Variants in B4GALNT3 observed in about 807,000 individuals in gnomAD.
B4GALNT3 encodes beta-1,4-N-acetyl-galactosaminyltransferase 3.
B4GALNT3 carries 86 observed loss-of-function variants against 120.2 expected under a neutral mutation model. That is an observed-to-expected ratio of 0.72 (90% CI 0.60 to 0.86). The LOEUF is 0.86. B4GALNT3 is among the 40% of genes least tolerant of loss of function. The pLI, the probability that B4GALNT3 is intolerant of heterozygous loss-of-function variation, is 0.00. For synonymous variants in B4GALNT3, 518 were observed against 510.4 expected (o/e 1.01, Z -0.20); for missense variants, 1,167 against 1,298.9 (o/e 0.90, Z 1.56).
In B4GALNT3 at chr12:483,460, GC is replaced by G. The variant is rs569254519; in HGVS notation, c.169+22917del. Among the ~76,000 whole-genome samples the G allele has an allele frequency of 4.1e-3, 625 of 152,276 alleles. 6 individuals carry two copies. Among genetic ancestry groups the G allele is most frequent in the African/African-American group, 0.014 (577 of 41,562 alleles). ...ACCTGTAATCCCATAACTTTGGGAG[GC>G]CAAGGCAGATGAATCATTTGAGCTC... On this transcript the variant is annotated intron_variant, in intron 1 of 19. Coordinates refer to ENST00000266383, the MANE Select transcript of B4GALNT3 (RefSeq NM_173593.4).
At chr12:530,741 A>T (rs1946798738) in intron 1 of B4GALNT3, among the ~76,000 whole-genome samples, 2 of 152,222 alleles carry the variant, frequency 1.3e-5, no homozygotes, top group Admixed American at 6.5e-5. Context: ...AGAGTCTTAG[A>T]AAAAAGCACA....
intron 1 of B4GALNT3, among the ~76,000 whole-genome samples, chr12:512,892 T>C (rs28808123): frequency 1.8e-4 from 23 of 129,696 alleles, no homozygotes; most frequent in African/African-American, 3.9e-4. Context: ...TTCCACCTTC[T>C]ACCTTCCGCC....
intron 1 of B4GALNT3, among the ~76,000 whole-genome samples, chr12:513,984 G>A (rs965842802): frequency 1.3e-5 from 2 of 152,144 alleles, no homozygotes; most frequent in Non-Finnish European, 2.9e-5. Context: ...CATTGTTTCC[G>A]CTTTTTGGCT....
At chr12:507,619 G>A (rs1471386625) in intron 1 of B4GALNT3, among the ~76,000 whole-genome samples, 5 of 152,212 alleles carry the variant, frequency 3.3e-5, no homozygotes, top group African/African-American at 1.2e-4. Flanking sequence ...CCTACGCCCT[G>A]CGAGTGGCTC....
At chr12:497,630 C>T (rs1946400782) in intron 1 of B4GALNT3, among the ~76,000 whole-genome samples, 2 of 152,154 alleles carry the variant, frequency 1.3e-5, no homozygotes, top group Non-Finnish European at 1.5e-5. Context: ...GGTATAGACC[C>T]AGGAGCGGAA....
chr12:517,828 A>G (rs756474239), intron 1 of B4GALNT3, among the ~76,000 whole-genome samples: 1 of 152,238 alleles, frequency 6.6e-6, no homozygotes, highest in Non-Finnish European at 1.5e-5. Context: ...CGGCCGTGGC[A>G]GGACCATCAG....
intron 1 of B4GALNT3, among the ~76,000 whole-genome samples, chr12:495,899 T>C (rs1467298953): frequency 1.3e-5 from 2 of 152,190 alleles, no homozygotes; most frequent in East Asian, 1.9e-4. Flanking sequence ...ATGAATGATA[T>C]ACATTTGAAA....
At chr12:561,277 A>G in intron 19 of B4GALNT3, 66 bp from the exon 20 acceptor site, 1 of 1,264,926 alleles carries the variant, frequency 7.9e-7, no homozygotes, top group Non-Finnish European at 1.1e-6. Context: ...TCTGTGGTCG[A>G]TGGGGAGGGG....
intron 1 of B4GALNT3, among the ~76,000 whole-genome samples, chr12:479,601 G>A (rs1174944289): frequency 3.9e-5 from 6 of 152,186 alleles, no homozygotes; most frequent in Admixed American, 2.0e-4. Flanking sequence ...ACTGTGTCAG[G>A]TGCAGATAAA....
chr12:549,952 A>G (rs1450878667), intron 10 of B4GALNT3, 40 bp downstream of exon 10: 10 of 1,566,266 alleles, frequency 6.4e-6, no homozygotes, highest in Non-Finnish European at 7.8e-6. Flanking sequence ...TTCTGGGGAC[A>G]CTGCACTGCC....
Position 460,771 on chromosome 12 carries a change from G to A in B4GALNT3, c.169+226G>A, listed in dbSNP as rs1043140879. Among the ~76,000 whole-genome samples the A allele has an allele frequency of 6.6e-6, 1 of 152,122 alleles. No individual in the cohort carries two copies. Among genetic ancestry groups the A allele is most frequent in the Non-Finnish European group, 1.5e-5 (1 of 67,990 alleles). ...CCCGGGCCTGCCCGCCGGCCACGTG[G>A]GTCCGGGGCACCCTGGGGGCTCCTC... is the stretch of plus-strand genomic sequence containing the variant. On this transcript the variant is annotated intron_variant, in intron 1 of 19. Transcript: ENST00000266383. This position sits in a 1 kb window ranked among gnomAD's most constrained non-coding sequence, Gnocchi z 8.0.
chr12:561,335 T>C lies in B4GALNT3; in HGVS notation c.2889-8T>C, dbSNP rs1431530860. 1 of 1,608,240 alleles carries C rather than the reference T, an allele frequency of 6.2e-7. No individual in the cohort carries two copies. On this transcript the variant is annotated splice_polypyrimidine_tract_variant and splice_region_variant and intron_variant, in intron 19 of 19. Transcript: ENST00000266383. Reference sequence around the variant, plus strand: ...TCTGTTGGCTCATCTGTGTTTCTCCTCCTCCAGGATACTCCAAGCGGGCCT... The same window carrying C: ...TCTGTTGGCTCATCTGTGTTTCTCCCCCTCCAGGATACTCCAAGCGGGCCT...
At chr12:555,070 TGG>T (rs1565611687) in intron 14 of B4GALNT3, among the ~76,000 whole-genome samples, 3 of 150,890 alleles carry the variant, frequency 2.0e-5, no homozygotes. Context: ...CCCAGCTACT[TGG>T]GAGGCTGAAG....
intron 1 of B4GALNT3, among the ~76,000 whole-genome samples, chr12:515,431 T>G (rs1946643354): frequency 6.6e-6 from 1 of 151,910 alleles, no homozygotes; most frequent in Non-Finnish European, 1.5e-5. Flanking sequence ...TCTCCTGACC[T>G]CGTGATCCAC....
intron 1 of B4GALNT3, among the ~76,000 whole-genome samples, chr12:519,314 T>C (rs1430823364): frequency 2.0e-5 from 3 of 152,202 alleles, no homozygotes; most frequent in African/African-American, 4.8e-5. Context: ...CCGGCAGCTA[T>C]CACAGGTCAT....
intron 1 of B4GALNT3, among the ~76,000 whole-genome samples, chr12:518,480 T>C (rs910559743): frequency 2.0e-5 from 3 of 152,178 alleles, no homozygotes; most frequent in African/African-American, 4.8e-5. Context: ...GTGGTGATCA[T>C]AGCTCACTGC....
intron 17 of B4GALNT3, 131 bp from the exon 18 acceptor site, chr12:558,377 C>A: frequency 1.1e-6 from 1 of 899,754 alleles, no homozygotes; most frequent in Non-Finnish European, 1.7e-6. Flanking sequence ...GGAACTCTGC[C>A]CAGCAGCTGG....
chr12:525,417 A>G (rs763178824), intron 1 of B4GALNT3, among the ~76,000 whole-genome samples: 3 of 152,112 alleles, frequency 2.0e-5, no homozygotes, highest in Non-Finnish European at 4.4e-5. Flanking sequence ...CCAATAACAC[A>G]ATTGTCATCA....
At chr12:485,676 ACACT>A (rs950884287) in intron 1 of B4GALNT3, among the ~76,000 whole-genome samples, 1 of 152,324 alleles carries the variant, frequency 6.6e-6, no homozygotes, top group Non-Finnish European at 1.5e-5. Context: ...TGATTTATCG[ACACT>A]CACGGAACTG....
Sources: gnomAD v4.1 joint callset for allele counts (sites outside exome capture counted in the v4.1 genomes callset) on GRCh38, gnomAD v4.1.1 for gene constraint, Gnocchi (gnomAD v3.1) non-coding constraint, MANE v1.5 for transcripts, NCBI Gene and HGNC (gene_info 2026-07-23, HGNC 2026-07-21) for gene names.